Variants in UBASH3A observed in about 807,000 individuals in gnomAD.
UBASH3A encodes ubiquitin associated and SH3 domain containing A, also known as ubiquitin-associated and SH3 domain-containing protein A.
UBASH3A carries 63 observed loss-of-function variants against 73.5 expected under a neutral mutation model. The observed-to-expected ratio is 0.86, with a 90% CI of 0.70 to 1.06. The LOEUF is 1.06. UBASH3A is among the 50% of genes least tolerant of loss of function. UBASH3A has a pLI of 0.00. For synonymous variants in UBASH3A, 363 were observed against 351.1 expected, an observed-to-expected ratio of 1.03 and a Z score of -0.38; for missense variants, 860 against 859.0, an observed-to-expected ratio of 1.00 and a Z score of -0.02.
At chr21:42,434,286 G>A (rs1036140839) in intron 9 of UBASH3A, among the ~76,000 whole-genome samples, 2 of 152,196 alleles carry the variant, frequency 1.3e-5, no homozygotes, top group African/African-American at 4.8e-5. Context: ...TAGAACTCAA[G>A]GTCAAACTCC....
intron 11 of UBASH3A, among the ~76,000 whole-genome samples, chr21:42,437,796 G>A (rs749820825): frequency 1.3e-5 from 2 of 152,228 alleles, no homozygotes; most frequent in Non-Finnish European, 2.9e-5. Flanking sequence ...ACCAGTAGGG[G>A]CTGGTGTAGC....
Position 42,447,111 on chromosome 21 carries a change from G to A in UBASH3A, c.1903G>A (p.Glu635Lys), listed in dbSNP as rs2053857212. 2 of 1,613,972 alleles carry A rather than the reference G, an allele frequency of 1.2e-6. No homozygotes were observed. Among genetic ancestry groups the A allele is most frequent in the Admixed American group, 1.7e-5 (1 of 59,994 alleles). The change falls in exon 15 of 15, where the codon GAG becomes AAG. Residue 635 changes from glutamate to lysine, a missense_variant. Coordinates refer to ENST00000319294, the MANE Select transcript of UBASH3A (RefSeq NM_018961.4). ...CEENKEEGKW[E>K]LVNPPVKTLT... Reference sequence around the variant, plus strand: ...AGAAAATAAAGAGGAAGGAAAATGGGAGTTGGTGAACCCACCGGTGAAGAC... The same window carrying A: ...AGAAAATAAAGAGGAAGGAAAATGGAAGTTGGTGAACCCACCGGTGAAGAC...
At chr21:42,442,077 A>G (rs1316554620) in intron 11 of UBASH3A, among the ~76,000 whole-genome samples, 3 of 151,828 alleles carry the variant, frequency 2.0e-5, no homozygotes, top group Non-Finnish European at 2.9e-5. Context: ...TTGTCCATTG[A>G]TCATTGGATC....
intron 5 of UBASH3A, among the ~76,000 whole-genome samples, 197 bp from the exon 6 acceptor site, chr21:42,416,245 C>G (rs1046130006): frequency 1.3e-5 from 2 of 152,088 alleles, no homozygotes; most frequent in African/African-American, 4.8e-5. Context: ...ACCCACATCT[C>G]CATATCGTCC....
intron 1 of UBASH3A, among the ~76,000 whole-genome samples, chr21:42,404,421 C>A (rs148133982): frequency 6.6e-6 from 1 of 151,972 alleles, no homozygotes; most frequent in Non-Finnish European, 1.5e-5. Flanking sequence ...TTAGTGTTAG[C>A]GTATTTTATG....
rs1340501889 is a variant in UBASH3A at position 42,409,415 on chromosome 21, G to A, written c.168-7G>A. The A allele has an allele frequency of 6.4e-7, 1 of 1,565,030 alleles. No homozygotes were observed. On this transcript the variant is annotated splice_region_variant and splice_polypyrimidine_tract_variant and intron_variant, in intron 2 of 14. Coordinates refer to ENST00000319294, the MANE Select transcript of UBASH3A (RefSeq NM_018961.4). Reference sequence around the variant, plus strand: ...AGTGGGTGATGCCGGCTTGCTCTCTGTTGCAGGCTGCATGATCATTGCAAT... The same window carrying A: ...AGTGGGTGATGCCGGCTTGCTCTCTATTGCAGGCTGCATGATCATTGCAAT...
intron 5 of UBASH3A, among the ~76,000 whole-genome samples, chr21:42,414,440 G>A (rs1601565047): frequency 6.6e-6 from 1 of 152,320 alleles, no homozygotes; most frequent in African/African-American, 2.4e-5. Context: ...AAAACAGGAA[G>A]ACTGAGGCTG....
intron 13 of UBASH3A, 26 bp downstream of exon 13, chr21:42,443,444 G>A (rs367631558): frequency 1.9e-6 from 3 of 1,572,816 alleles, no homozygotes; most frequent in Non-Finnish European, 1.7e-6. Context: ...TCCTCAGTAT[G>A]AACAGCCCCT....
intron 2 of UBASH3A, among the ~76,000 whole-genome samples, chr21:42,408,915 A>C (rs1307208457): frequency 6.7e-6 from 1 of 149,426 alleles, no homozygotes; most frequent in African/African-American, 2.4e-5. Context: ...AAATAAAATA[A>C]AATAAAATAA....
intron 3 of UBASH3A, among the ~76,000 whole-genome samples, chr21:42,412,436 G>C (rs1287161159): frequency 6.6e-6 from 1 of 152,222 alleles, no homozygotes; most frequent in Non-Finnish European, 1.5e-5. Context: ...AGAATTCCCA[G>C]TGCAGGAGAC....
At chr21:42,411,490 C>T (rs1367819170) in intron 3 of UBASH3A, among the ~76,000 whole-genome samples, 1 of 151,126 alleles carries the variant, frequency 6.6e-6, no homozygotes, top group Non-Finnish European at 1.5e-5. Context: ...CAGATACACA[C>T]ATGCATACAC....
chr21:42,441,180 C>T (rs1244810873), intron 11 of UBASH3A, among the ~76,000 whole-genome samples: 4 of 152,228 alleles, frequency 2.6e-5, no homozygotes, highest in Non-Finnish European at 5.9e-5. Flanking sequence ...CATGATCAAC[C>T]TGCTTATCAG....
rs1468809508 is a variant in UBASH3A at position 42,403,958 on chromosome 21, G to A, written c.13G>A (p.Glu5Lys). ...AGGGCAGGAAGAGATGGCAGCGGGGGAGACGCAGCTCTACGCCAAGGTCTC... is the reference window on the plus strand; with the variant it reads ...AGGGCAGGAAGAGATGGCAGCGGGGAAGACGCAGCTCTACGCCAAGGTCTC... MAAGETQLYAKVSNK... is the reference protein window; with the variant it reads MAAGKTQLYAKVSNK... Residue 5 changes from glutamate to lysine, a missense_variant, in exon 1 of 15, where the codon GAG (glutamate) becomes AAG (lysine). Glu to Lys is a moderately conservative substitution (Grantham distance 56, BLOSUM62 1). Transcript: ENST00000319294. 1 of 1,510,548 alleles carries A rather than the reference G, an allele frequency of 6.6e-7. No homozygotes were observed. The highest frequency in any genetic ancestry group is 8.9e-7 in the Non-Finnish European group (1 of 1,123,200). 93.6% of individuals were successfully genotyped at this position (1,510,548 alleles called of 1,614,324 possible).
chr21:42,444,342 G>A (rs1478403884), intron 13 of UBASH3A, among the ~76,000 whole-genome samples, 192 bp from the exon 14 acceptor site: 2 of 152,196 alleles, frequency 1.3e-5, no homozygotes, highest in Non-Finnish European at 2.9e-5. Flanking sequence ...TGCGTGCAGA[G>A]GAATCCATGA....
intron 9 of UBASH3A, among the ~76,000 whole-genome samples, chr21:42,433,027 T>C (rs940117856): frequency 6.6e-6 from 1 of 152,240 alleles, no homozygotes; most frequent in African/African-American, 2.4e-5. Context: ...TAGATTGAAC[T>C]GACACACCTT....
rs141188953 is a variant in UBASH3A, at chr21:42,406,029, G to A, written c.114-279G>A. On this transcript the variant is annotated intron_variant, in intron 1 of 14. Transcript: ENST00000319294. ...AGGGAGAGGGATTGCAGGAGCGGGC[G>A]GAGGTCAGGTCCTCAGCCCTGAGAC... 3.0e-3 allele frequency among the ~76,000 whole-genome samples: 455 copies of A among 151,700 alleles called. 2 individuals are homozygous for A. The highest frequency in any genetic ancestry group is 0.01 in the African/African-American group (429 of 41,312).
chr21:42,420,045 T>C (rs74587992), intron 7 of UBASH3A, among the ~76,000 whole-genome samples: 2,616 of 152,206 alleles, frequency 0.017, 76 homozygotes, highest in African/African-American at 0.059. Context: ...TTTGTTAGAG[T>C]AGCACCCCAT....
chr21:42,435,153 G>A (rs2146582823), intron 10 of UBASH3A, 199 bp downstream of exon 10: 1 of 525,098 alleles, frequency 1.9e-6, no homozygotes, highest in Middle Eastern at 4.9e-4. Flanking sequence ...GCAATGTAGA[G>A]GTTTGATCTA....
At chr21:42,415,917 G>A (rs1293855710) in intron 5 of UBASH3A, among the ~76,000 whole-genome samples, 2 of 152,194 alleles carry the variant, frequency 1.3e-5, no homozygotes, top group African/African-American at 4.8e-5. Flanking sequence ...CCCCTGGCAG[G>A]ACCAGGGAGG....
Sources: allele counts gnomAD v4.1 joint callset (sites outside exome capture counted in the v4.1 genomes callset), GRCh38; gene constraint gnomAD v4.1.1; transcripts MANE v1.5; gene names NCBI Gene and HGNC (gene_info 2026-07-23, HGNC 2026-07-21).